The following FAM83G variants were observed in gnomAD, a reference collection of about 807,000 sequenced individuals.
FAM83G encodes scaffolding CK1 anchoring protein G.
In FAM83G, 38 loss-of-function variants were observed where a neutral mutation model predicts 61.5. The ratio of observed to expected loss-of-function variants is 0.62; its 90% CI spans 0.48 to 0.81. FAM83G has a LOEUF of 0.81. Ranked by LOEUF, FAM83G falls within the 30% of genes least tolerant of loss-of-function variation. The pLI, the probability that FAM83G is intolerant of heterozygous loss-of-function variation, is 0.00. For missense variants in FAM83G, 989 were observed against 1,133.6 expected (o/e 0.87, Z 1.83); for synonymous variants, 470 against 476.1 (o/e 0.99, Z 0.17).
In FAM83G at chr17:18,971,197, C is replaced by T. The variant is rs772488731; in HGVS notation, c.*162G>A. The T allele has an allele frequency of 1.2e-6, 2 of 1,613,992 alleles. No individual in the cohort carries two copies. The highest frequency in any genetic ancestry group is 2.2e-5 in the South Asian group (2 of 91,090). Reference sequence around the variant, plus strand: ...CCTTTGGCCTGACCATCATGGCCACCTGGTACTGGTGCACCGACCAGGTGA... The same window carrying T: ...CCTTTGGCCTGACCATCATGGCCACTTGGTACTGGTGCACCGACCAGGTGA... On this transcript the variant is annotated 3_prime_UTR_variant, in exon 6 of 6. Coordinates refer to ENST00000388995, the MANE Select transcript of FAM83G (RefSeq NM_001039999.3). This position sits in a 1 kb window ranked among gnomAD's most constrained non-coding sequence, Gnocchi z 5.5.
chr17:18,995,145 A>G (rs1457089794), intron 2 of FAM83G, among the ~76,000 whole-genome samples: 1 of 152,248 alleles, frequency 6.6e-6, no homozygotes, highest in Non-Finnish European at 1.5e-5. Context: ...CAAAGAAACA[A>G]GAAAACATGA....
intron 2 of FAM83G, among the ~76,000 whole-genome samples, chr17:18,991,754 C>T (rs1283162463): frequency 2.6e-5 from 4 of 152,194 alleles, no homozygotes; most frequent in Admixed American, 1.3e-4. Context: ...CTGGAATCTG[C>T]GCAGGCCACA....
At chr17:19,005,076 G>C (rs1011228255), upstream of FAM83G, among the ~76,000 whole-genome samples, 1 of 152,326 alleles carries the variant, frequency 6.6e-6, no homozygotes, top group South Asian at 2.1e-4. Flanking sequence ...ATCAACCCTG[G>C]CTGTGCCCAG....
At chr17:19,005,388 T>G (rs575470641), upstream of FAM83G, among the ~76,000 whole-genome samples, 1 of 152,266 alleles carries the variant, frequency 6.6e-6, no homozygotes, top group East Asian at 1.9e-4. Context: ...GAGCGTCCCC[T>G]GGGGTTGGGA....
In FAM83G at chr17:19,004,086, G is replaced by A. The variant is rs2043812001; in HGVS notation, c.-45C>T. 1.3e-6 allele frequency: 2 copies of A among 1,535,044 alleles called. No homozygotes were observed. The highest frequency in any genetic ancestry group is 1.8e-6 in the Non-Finnish European group (2 of 1,141,666). On this transcript the variant is annotated 5_prime_UTR_variant, in exon 2 of 6. Transcript: ENST00000388995. The surrounding 1 kb of genome is among the most constrained non-coding windows in gnomAD (Gnocchi z 5.4). ...CTGCTGCCGGGGGTGGGTGGGCAAG[G>A]TCCAGCTCCTAGCTCCGGCCCAGCT...
At chr17:18,992,591 G>T (rs904368316) in intron 2 of FAM83G, among the ~76,000 whole-genome samples, 7 of 152,194 alleles carry the variant, frequency 4.6e-5, no homozygotes, top group Non-Finnish European at 7.4e-5. Flanking sequence ...ATCTCCCTCA[G>T]CCCCAGCCAG....
Position 18,971,008 on chromosome 17 carries a change from T to G in FAM83G, c.*351A>C, listed in dbSNP as rs201298825. The G allele has an allele frequency of 7.8e-5, 126 of 1,613,814 alleles. No homozygotes were observed. In the African/African-American group the frequency reaches 1.4e-3, roughly 18 times the overall value. On this transcript the variant is annotated 3_prime_UTR_variant, in exon 6 of 6. Coordinates refer to ENST00000388995, the MANE Select transcript of FAM83G (RefSeq NM_001039999.3). This position sits in a 1 kb window ranked among gnomAD's most constrained non-coding sequence, Gnocchi z 5.5. ...ACTGTCCCTGTTCCACCCTGACCCC[T>G]CCAGCTTTTGACCAGATCGGTGGTT... is the stretch of plus-strand genomic sequence containing the variant.
At chr17:18,979,203 T>C (rs985594589) in intron 4 of FAM83G, 6 of 461,074 alleles carry the variant, frequency 1.3e-5, no homozygotes, top group Admixed American at 7.2e-5. Flanking sequence ...CATGTAACCA[T>C]GGGCAGCGCC....
At position 18,971,309 on chromosome 17, in the gene FAM83G, G is replaced by C. The variant is rs967294047; in HGVS notation, c.*50C>G. The stretch of plus-strand genomic sequence containing the variant: ...GCGGCCTGTCTGCCCTCCGCGTCAT[G>C]AGTCTGGGCTGGGGCCTCAGAAGGT... On this transcript the variant is annotated 3_prime_UTR_variant, in exon 6 of 6. Coordinates refer to ENST00000388995, the MANE Select transcript of FAM83G (RefSeq NM_001039999.3). This position sits in a 1 kb window ranked among gnomAD's most constrained non-coding sequence, Gnocchi z 5.5. 6.2e-7 allele frequency: 1 copy of C among 1,607,398 alleles called. No individual in the cohort carries two copies. The highest frequency in any genetic ancestry group is 1.7e-5 in the Admixed American group (1 of 59,844).
intron 5 of FAM83G, 35 bp downstream of exon 5, chr17:18,977,549 C>T (rs2043010180): frequency 3.2e-6 from 5 of 1,582,688 alleles, no homozygotes; most frequent in South Asian, 1.1e-5. Context: ...CAGGGAGGGA[C>T]TCGTGACCCC....
At chr17:18,993,830 G>A (rs1160322493) in intron 2 of FAM83G, among the ~76,000 whole-genome samples, 1 of 152,218 alleles carries the variant, frequency 6.6e-6, no homozygotes, top group Non-Finnish European at 1.5e-5. Context: ...ATGACCTTGG[G>A]CAAGTACCTT....
rs139582120 is a variant in FAM83G at position 18,971,164 on chromosome 17, C to T, written c.*195G>A. ...CCCACACAGGGGACCTGCCGTGGAC[C>T]GGGATGACCTTTGGCCTGACCATCA... On this transcript the variant is annotated 3_prime_UTR_variant, in exon 6 of 6. Coordinates refer to ENST00000388995, the MANE Select transcript of FAM83G (RefSeq NM_001039999.3). The surrounding 1 kb of genome is among the most constrained non-coding windows in gnomAD (Gnocchi z 5.5). 2.0e-3 allele frequency: 3,209 copies of T among 1,614,088 alleles called. 9 individuals carry two copies. The highest frequency in any genetic ancestry group is 2.4e-3 in the Non-Finnish European group (2,887 of 1,180,042).
chr17:18,971,604 G>A lies in FAM83G; in HGVS notation c.2227C>T (p.His743Tyr). ...ACCTGACCTCCCTTGGCCTGCCAGT[G>A]GTGGGGGCCAGCCATGGCTGGGCCA... ...NAGPAMAGPH[H>Y]WQAKGGQVPR... Residue 743 changes from histidine (H) to tyrosine (Y), a missense_variant, in exon 6 of 6, where the codon CAC (histidine) becomes TAC (tyrosine). His to Tyr is a moderately conservative substitution (Grantham distance 83). Around this residue, in one of 3 missense-constraint regions of FAM83G, gnomAD observed 574 missense variants for 645.1 expected, o/e 0.89. Coordinates refer to ENST00000388995, the MANE Select transcript of FAM83G (RefSeq NM_001039999.3). This position sits in a 1 kb window ranked among gnomAD's most constrained non-coding sequence, Gnocchi z 5.5. 6.2e-7 allele frequency: 1 copy of A among 1,613,622 alleles called. No individual in the cohort carries two copies. The highest frequency in any genetic ancestry group is 8.5e-7 in the Non-Finnish European group (1 of 1,180,018).
Position 18,977,677 on chromosome 17 carries a change from C to A in FAM83G, c.1989G>T (p.Gln663His). ...GACTCTGGGCCCATGGGGAGCCACCCTGGGGTCCAACAAAGGTCCCTCGGG... is the reference window on the plus strand; with the variant it reads ...GACTCTGGGCCCATGGGGAGCCACCATGGGGTCCAACAAAGGTCCCTCGGG... ...HITRGTFVGP[Q>H]GGSPWAQSRG... Residue 663 changes from glutamine to histidine, a missense_variant, in exon 5 of 6, where the codon CAG (glutamine) becomes CAT (histidine). Around this residue, in one of 3 missense-constraint regions of FAM83G, gnomAD observed 574 missense variants for 645.1 expected, o/e 0.89. Transcript: ENST00000388995. 6.2e-7 allele frequency: 1 copy of A among 1,610,582 alleles called. No individual in the cohort carries two copies. The highest frequency in any genetic ancestry group is 8.5e-7 in the Non-Finnish European group (1 of 1,179,894).
chr17:18,976,033 C>T (rs2042967914), intron 5 of FAM83G: 1 of 150,500 alleles, frequency 6.6e-6, no homozygotes, highest in Admixed American at 6.6e-5. Flanking sequence ...TTTAAAAATA[C>T]AAAAAATTAG....
Position 19,003,833 on chromosome 17 carries a change from G to A in FAM83G, c.209C>T (p.Thr70Ile), listed in dbSNP as rs779837903. The part of the protein sequence containing the change: ...SELELKRILE[T>I]IEVYDPGSED... ...AGAGCCCGGGTCGTACACCTCGATG[G>A]TCTCCAGGATGCGCTTGAGCTCCAG... The change falls in exon 2 of 6, where the codon ACC (threonine) becomes ATC (isoleucine). Residue 70 changes from threonine to isoleucine, a missense_variant. By Grantham distance (89) the Thr-to-Ile change is moderately conservative. This residue lies in a region of FAM83G where 371 missense variants were observed against 404.5 expected (regional missense o/e 0.92). Coordinates refer to ENST00000388995, the MANE Select transcript of FAM83G (RefSeq NM_001039999.3). The surrounding 1 kb of genome is among the most constrained non-coding windows in gnomAD (Gnocchi z 4.5). 16 of 1,612,856 alleles carry A rather than the reference G, an allele frequency of 9.9e-6. 1 individual carries two copies. The South Asian group carries it at 1.5e-4, about 15-fold the overall frequency.
intron 2 of FAM83G, 152 bp from the exon 3 acceptor site, chr17:18,988,566 G>A (rs1188494006): frequency 7.6e-7 from 1 of 1,321,250 alleles, no homozygotes; most frequent in Non-Finnish European, 1.0e-6. Flanking sequence ...GGACCAGGAA[G>A]TGAGGGGCCA....
intron 3 of FAM83G, among the ~76,000 whole-genome samples, chr17:18,987,544 T>C (rs890247325): frequency 6.6e-6 from 1 of 151,744 alleles, no homozygotes; most frequent in African/African-American, 2.4e-5. Flanking sequence ...GTTGGACCAA[T>C]GAGATCCTGT....
Position 19,003,905 on chromosome 17 carries a change from A to G in FAM83G, c.137T>C (p.Phe46Ser). The change falls in exon 2 of 6, where the codon TTC becomes TCC. Residue 46 changes from phenylalanine to serine, a missense_variant. Phe to Ser is a radical substitution (Grantham distance 155). This residue lies in a region of FAM83G where 371 missense variants were observed against 404.5 expected (regional missense o/e 0.92). Coordinates refer to ENST00000388995, the MANE Select transcript of FAM83G (RefSeq NM_001039999.3). This position sits in a 1 kb window ranked among gnomAD's most constrained non-coding sequence, Gnocchi z 4.5. The stretch of plus-strand genomic sequence containing the variant: ...GTTCTCCCGCTTGAGCACCTCGTAG[A>G]AGGCGTCCCGGCCGCGGGCCACCAG... ...EALVARGRDA[F>S]YEVLKRENIR... 6.2e-7 allele frequency: 1 copy of G among 1,612,950 alleles called. No homozygotes were observed. Among genetic ancestry groups the G allele is most frequent in the Non-Finnish European group, 8.5e-7 (1 of 1,179,916 alleles).
Sources: gnomAD v4.1 joint callset for allele counts (sites outside exome capture counted in the v4.1 genomes callset) on GRCh38, gnomAD v4.1.1 for gene constraint, gnomAD v4.1.1 regional missense constraint, Gnocchi (gnomAD v3.1) non-coding constraint, MANE v1.5 for transcripts, NCBI Gene and HGNC (gene_info 2026-07-23, HGNC 2026-07-21) for gene names.